Variants in TAFA2 observed in about 807,000 individuals in gnomAD.
The protein encoded by TAFA2 is chemokine-like protein TAFA-2.
Under a neutral mutation model 18.8 loss-of-function variants are expected in TAFA2, and 7 were observed. The ratio of observed to expected loss-of-function variants is 0.37; its 90% confidence interval spans 0.21 to 0.70. TAFA2 has a LOEUF of 0.70. Among genes scored for constraint, TAFA2 ranks in the 30% least tolerant of loss-of-function variants. The pLI, the probability that TAFA2 is intolerant of heterozygous loss-of-function variation, is 0.53. For missense variants in TAFA2, 122 were observed against 158.1 expected (o/e 0.77, Z 1.23); for synonymous variants, 60 against 54.2 (o/e 1.11, Z -0.47).
At chr12:62,179,440 G>C (rs2062537088) in intron 1 of TAFA2, among the ~76,000 whole-genome samples, 1 of 152,148 alleles carries the variant, frequency 6.6e-6, no homozygotes, top group African/African-American at 2.4e-5. Flanking sequence ...GAGAAAACTG[G>C]TGATGAAAAT....
chr12:61,929,798 A>C (rs1274597406), intron 1 of TAFA2, among the ~76,000 whole-genome samples: 1 of 152,148 alleles, frequency 6.6e-6, no homozygotes, highest in East Asian at 1.9e-4. Context: ...AATGTGGCAC[A>C]TATACACCAT....
In TAFA2 at chr12:62,021,986, G is replaced by A. The variant is rs200364084; in HGVS notation, c.-1-154560C>T. 9 of 680,080 alleles carry A rather than the reference G, an allele frequency of 1.3e-5. No homozygotes were observed. In the East Asian group the frequency reaches 2.9e-4, roughly 22 times the overall value. 42.1% of individuals were successfully genotyped at this position (680,080 alleles called of 1,614,324 possible). ...AGCCCTCCTAGGAGCTTGTAACGCAGAGACTCTGCCTGGGCAATGGCACAG... is the reference window on the plus strand; with the variant it reads ...AGCCCTCCTAGGAGCTTGTAACGCAAAGACTCTGCCTGGGCAATGGCACAG... On this transcript the variant is annotated intron_variant, in intron 1 of 4. Coordinates refer to ENST00000416284, the MANE Select transcript of TAFA2 (RefSeq NM_178539.5).
At chr12:61,797,960 A>G (rs1871253406) in intron 2 of TAFA2, among the ~76,000 whole-genome samples, 3 of 152,180 alleles carry the variant, frequency 2.0e-5, no homozygotes, top group Admixed American at 2.0e-4. Flanking sequence ...TATAGAAATG[A>G]TTTTCAAAAT....
At chr12:61,887,856 C>T (rs1410202955) in intron 1 of TAFA2, among the ~76,000 whole-genome samples, 2 of 151,610 alleles carry the variant, frequency 1.3e-5, no homozygotes, top group Non-Finnish European at 2.9e-5. Flanking sequence ...TGGGTTGGTT[C>T]CAAGTCTTTG....
intron 1 of TAFA2, among the ~76,000 whole-genome samples, chr12:62,186,142 A>G (rs759012978): frequency 2.3e-4 from 35 of 152,170 alleles, no homozygotes; most frequent in Non-Finnish European, 4.7e-4. Flanking sequence ...AAGAAAGTCA[A>G]AGTGTTTTTC....
At chr12:62,234,539 G>A in intron 1 of TAFA2, 1 of 871,328 alleles carries the variant, frequency 1.1e-6, no homozygotes, top group South Asian at 1.3e-5. Flanking sequence ...TGTCTGGTGT[G>A]TACCCACGTA....
intron 1 of TAFA2, among the ~76,000 whole-genome samples, chr12:61,927,904 A>G (rs1877375033): frequency 6.6e-6 from 1 of 152,216 alleles, no homozygotes; most frequent in African/African-American, 2.4e-5. Context: ...AAAACAAGCA[A>G]TGGGGAAAGC....
intron 1 of TAFA2, among the ~76,000 whole-genome samples, chr12:61,991,142 T>G (rs1592534373): frequency 2.0e-5 from 3 of 152,348 alleles, no homozygotes; most frequent in South Asian, 2.1e-4. Flanking sequence ...TTATAGCTGT[T>G]GCCTAGGAAA....
intron 2 of TAFA2, among the ~76,000 whole-genome samples, chr12:61,848,834 A>G (rs956066213): frequency 6.6e-6 from 1 of 151,526 alleles, no homozygotes; most frequent in African/African-American, 2.4e-5. Context: ...TTGGTAAGAT[A>G]TTTATGGTAG....
intron 2 of TAFA2, among the ~76,000 whole-genome samples, chr12:61,833,183 G>T (rs1269331067): frequency 2.0e-5 from 3 of 150,966 alleles, no homozygotes; most frequent in Non-Finnish European, 4.4e-5. Flanking sequence ...TGAAGCCAAA[G>T]AAATATGAAT....
intron 1 of TAFA2, among the ~76,000 whole-genome samples, chr12:62,213,641 CAAA>C (rs5798637): frequency 6.9e-6 from 1 of 145,288 alleles, no homozygotes; most frequent in Non-Finnish European, 1.5e-5. Flanking sequence ...GACTCTGTCT[CAAA>C]AAAAAAAAAA....
chr12:61,713,034 A>G (rs1869486862), intron 4 of TAFA2, among the ~76,000 whole-genome samples: 1 of 152,198 alleles, frequency 6.6e-6, no homozygotes, highest in Non-Finnish European at 1.5e-5. Context: ...CAAGAGAGCC[A>G]CTAAAAGTAG....
At position 61,774,711 on chromosome 12, in the gene TAFA2, G is replaced by A. The variant is rs1304923514; in HGVS notation, c.107-19687C>T. ...TGAGGGATAAATGATTATATATTGG[G>A]TACAGTGTACACTCCTCTGGTGATG... is the stretch of plus-strand genomic sequence containing the variant. On this transcript the variant is annotated intron_variant, in intron 2 of 4. Coordinates refer to ENST00000416284, the MANE Select transcript of TAFA2 (RefSeq NM_178539.5). Among the ~76,000 whole-genome samples the A allele has an allele frequency of 2.0e-5, 3 of 151,320 alleles. No individual in the cohort carries two copies. The South Asian group carries it at 6.2e-4, about 31-fold the overall frequency.
intron 1 of TAFA2, among the ~76,000 whole-genome samples, chr12:61,983,253 T>C (rs1473544629): frequency 6.6e-6 from 1 of 152,118 alleles, no homozygotes; most frequent in East Asian, 1.9e-4. Flanking sequence ...CAAAATCATA[T>C]CCTTGGGCAA....
At chr12:62,235,753 TGTTTG>T (rs2062834311) in intron 1 of TAFA2, among the ~76,000 whole-genome samples, 1 of 152,160 alleles carries the variant, frequency 6.6e-6, no homozygotes, top group Non-Finnish European at 1.5e-5. Flanking sequence ...AAGGTTTGCT[TGTTTG>T]TTTTTGTTTT....
At chr12:62,233,066 C>T (rs74095723) in intron 1 of TAFA2, among the ~76,000 whole-genome samples, 665 of 39,586 alleles carry the variant, frequency 0.017, 15 homozygotes, top group African/African-American at 0.059. Context: ...TTCTGCATCT[C>T]TTTTTTTTTT....
chr12:62,201,384 G>T (rs761597439), intron 1 of TAFA2, among the ~76,000 whole-genome samples: 1 of 152,038 alleles, frequency 6.6e-6, no homozygotes, highest in Non-Finnish European at 1.5e-5. Flanking sequence ...TGTCATAAAA[G>T]GTTCTTTTTA....
At chr12:62,175,652 C>CA (rs1357464733) in intron 1 of TAFA2, among the ~76,000 whole-genome samples, 1 of 152,064 alleles carries the variant, frequency 6.6e-6, no homozygotes, top group East Asian at 1.9e-4. Context: ...AATTGAATTA[C>CA]ATTGTTGTTT....
At chr12:62,234,944 C>T in intron 1 of TAFA2, 1 of 752,074 alleles carries the variant, frequency 1.3e-6, no homozygotes, top group South Asian at 1.3e-5. Flanking sequence ...TAGCCTGGGC[C>T]TCAGTGGAAG....
Sources: gnomAD v4.1 joint callset for allele counts (sites outside exome capture counted in the v4.1 genomes callset) on GRCh38, gnomAD v4.1.1 for gene constraint, MANE v1.5 for transcripts, NCBI Gene and HGNC (gene_info 2026-07-23, HGNC 2026-07-21) for gene names.